PRKCE: variants seen among roughly 807,000 people sequenced by gnomAD.
PRKCE encodes protein kinase C epsilon type.
A neutral mutation model predicts 85.4 loss-of-function variants in PRKCE; 16 were observed. The ratio of observed to expected loss-of-function variants is 0.19; its 90% CI spans 0.13 to 0.28. The LOEUF is 0.28. PRKCE is among the 10% of genes least tolerant of loss of function. The pLI is 1.00. For synonymous variants in PRKCE, 388 were observed against 371.5 expected (o/e 1.04, Z -0.51); for missense variants, 573 against 975.2 (o/e 0.59, Z 5.49).
intron 2 of PRKCE, among the ~76,000 whole-genome samples, chr2:45,940,390 T>G (rs889197036): frequency 3.9e-5 from 6 of 152,218 alleles, no homozygotes; most frequent in African/African-American, 1.4e-4. Flanking sequence ...AGAACATGAT[T>G]TAGCTTTAAT....
intron 1 of PRKCE, among the ~76,000 whole-genome samples, chr2:45,710,939 C>T (rs1679576751): frequency 1.3e-5 from 2 of 152,202 alleles, no homozygotes. Context: ...TCTCGCTTAA[C>T]ATGGGGTGGG....
At chr2:45,771,161 T>G (rs916271374) in intron 1 of PRKCE, among the ~76,000 whole-genome samples, 1 of 152,040 alleles carries the variant, frequency 6.6e-6, no homozygotes, top group Non-Finnish European at 1.5e-5. Flanking sequence ...TGCAGACCAC[T>G]CCTCCCAGGC....
intron 2 of PRKCE, among the ~76,000 whole-genome samples, chr2:45,939,067 G>A (rs1019183052): frequency 3.9e-5 from 6 of 152,188 alleles, no homozygotes; most frequent in Non-Finnish European, 7.3e-5. Flanking sequence ...CTGCCAGGGT[G>A]GAGGAGGTGC....
intron 2 of PRKCE, among the ~76,000 whole-genome samples, chr2:45,966,077 G>A (rs888293286): frequency 2.6e-5 from 4 of 152,058 alleles, no homozygotes; most frequent in African/African-American, 9.7e-5. Flanking sequence ...GCCATCCTTG[G>A]GAGGCGTGGA....
In PRKCE at chr2:45,964,701, C is replaced by T. The variant is rs550925085; in HGVS notation, c.413-11728C>T. Among the ~76,000 whole-genome samples, 7 of 152,304 alleles carry T rather than the reference C, an allele frequency of 4.6e-5. No individual in the cohort carries two copies. In the South Asian group the frequency reaches 8.3e-4, roughly 18 times the overall value. Reference sequence around the variant, plus strand: ...CTGCTTAAGTGAAATCACTGCTCCTCGGTGCTTCTTTGTGTTCAACACAGT... The same window carrying T: ...CTGCTTAAGTGAAATCACTGCTCCTTGGTGCTTCTTTGTGTTCAACACAGT... On this transcript the variant is annotated intron_variant, in intron 2 of 14. Coordinates refer to ENST00000306156, the MANE Select transcript of PRKCE (RefSeq NM_005400.3).
intron 10 of PRKCE, among the ~76,000 whole-genome samples, chr2:46,027,969 T>G (rs1707242126): frequency 6.7e-6 from 1 of 148,844 alleles, no homozygotes; most frequent in East Asian, 2.0e-4. Context: ...TGAGATGGAG[T>G]CGGGCTCTGT....
At chr2:45,712,137 C>CT (rs34233761) in intron 1 of PRKCE, among the ~76,000 whole-genome samples, 23,098 of 45,768 alleles carry the variant, frequency 0.5, 9,907 homozygotes, top group Non-Finnish European at 0.58. Flanking sequence ...ACGGCCTGTC[C>CT]TTTTTTTTTT....
chr2:46,082,693 A>G (rs1440430999), intron 10 of PRKCE, among the ~76,000 whole-genome samples: 2 of 152,226 alleles, frequency 1.3e-5, no homozygotes, highest in South Asian at 2.1e-4. Flanking sequence ...GGCGAAGCCC[A>G]TGAGAGAGGC....
At chr2:46,037,395 G>A (rs934300655) in intron 10 of PRKCE, among the ~76,000 whole-genome samples, 5 of 152,206 alleles carry the variant, frequency 3.3e-5, no homozygotes, top group Admixed American at 1.3e-4. Flanking sequence ...CATTAGCCCT[G>A]TGTGAGAAAG....
intron 14 of PRKCE, among the ~76,000 whole-genome samples, chr2:46,180,041 T>C (rs1310499087): frequency 6.6e-6 from 1 of 152,112 alleles, no homozygotes; most frequent in African/African-American, 2.4e-5. Context: ...GATAGAATGG[T>C]GAGTTCAACC....
intron 12 of PRKCE, among the ~76,000 whole-genome samples, chr2:46,146,236 G>A (rs907311649): frequency 2.6e-5 from 4 of 152,234 alleles, no homozygotes; most frequent in Non-Finnish European, 5.9e-5. Flanking sequence ...CAATCAAAAT[G>A]ATCTTCATGG....
intron 2 of PRKCE, among the ~76,000 whole-genome samples, chr2:45,855,391 T>G (rs575320069): frequency 7.8e-4 from 119 of 152,342 alleles, no homozygotes; most frequent in Non-Finnish European, 1.3e-3. Flanking sequence ...AATGTTAAAA[T>G]TTGAACCTTG....
intron 2 of PRKCE, among the ~76,000 whole-genome samples, chr2:45,948,986 G>A (rs1700428568): frequency 6.6e-6 from 1 of 152,168 alleles, no homozygotes. Context: ...CAGTATCACA[G>A]TTTTTACCCA....
chr2:46,000,518 TAAG>T (rs1704589184), intron 6 of PRKCE, among the ~76,000 whole-genome samples: 1 of 152,044 alleles, frequency 6.6e-6, no homozygotes, highest in Non-Finnish European at 1.5e-5. Flanking sequence ...AAGCCCTCGT[TAAG>T]AAGAGCAGAG....
chr2:46,047,030 C>T (rs1453459373), intron 10 of PRKCE, among the ~76,000 whole-genome samples: 1 of 152,164 alleles, frequency 6.6e-6, no homozygotes, highest in Non-Finnish European at 1.5e-5. Context: ...TGTCCCTTCT[C>T]CTGAAGTGAA....
chr2:45,744,496 TTTCTTTTC>T (rs1682940861), intron 1 of PRKCE, among the ~76,000 whole-genome samples: 2 of 86,348 alleles, frequency 2.3e-5, no homozygotes, highest in African/African-American at 1.3e-4. Flanking sequence ...TTTTTCTTTC[TTTCTTTTC>T]TTTCTTTCTT....
At chr2:45,744,728 C>T (rs1266637494) in intron 1 of PRKCE, among the ~76,000 whole-genome samples, 1 of 151,966 alleles carries the variant, frequency 6.6e-6, no homozygotes, top group African/African-American at 2.4e-5. Flanking sequence ...CCTTCCTCAG[C>T]CTCCTAGATA....
chr2:45,836,765 G>T (rs574680636), intron 1 of PRKCE, among the ~76,000 whole-genome samples: 18 of 152,346 alleles, frequency 1.2e-4, no homozygotes, highest in African/African-American at 3.8e-4. Context: ...AAAAGAAAAA[G>T]ACACAGCAGT....
intron 10 of PRKCE, among the ~76,000 whole-genome samples, chr2:46,071,270 T>A (rs1180766982): frequency 1.3e-5 from 2 of 152,204 alleles, no homozygotes; most frequent in Non-Finnish European, 2.9e-5. Flanking sequence ...CCTCTATAAA[T>A]ATGTACTAGT....
Sources: gnomAD v4.1 joint callset for allele counts (sites outside exome capture counted in the v4.1 genomes callset) on GRCh38, gnomAD v4.1.1 for gene constraint, MANE v1.5 for transcripts, NCBI Gene and HGNC (gene_info 2026-07-23, HGNC 2026-07-21) for gene names.